Variants in ATP2B2 observed in about 807,000 individuals in gnomAD.
ATP2B2 encodes plasma membrane calcium-transporting ATPase 2.
ATP2B2 carries 15 observed loss-of-function variants against 120.0 expected under a neutral mutation model. The ratio of observed to expected loss-of-function variants is 0.12; its 90% CI spans 0.08 to 0.19. The LOEUF (loss-of-function observed/expected upper bound fraction) is 0.19. Ranked by LOEUF, ATP2B2 falls within the 10% of genes least tolerant of loss-of-function variation. ATP2B2 has a pLI of 1.00. For missense variants in ATP2B2, 1,045 were observed against 1,719.8 expected (o/e 0.61, Z 6.94); for synonymous variants, 694 against 700.3 (o/e 0.99, Z 0.14).
intron 2 of ATP2B2, among the ~76,000 whole-genome samples, chr3:10,562,154 C>CGAAT: frequency 6.6e-6 from 1 of 152,280 alleles, no homozygotes; most frequent in African/African-American, 2.4e-5. Flanking sequence ...TGCAGTGATT[C>CGAAT]TCTTGAGTGC....
chr3:10,394,362 A>T (rs1171947520), intron 5 of ATP2B2: 1 of 459,656 alleles, frequency 2.2e-6, no homozygotes, highest in East Asian at 7.1e-5. Context: ...CCCCCTCACA[A>T]CAGCCCCCTG....
chr3:10,467,616 G>A (rs1360061101), intron 1 of ATP2B2, among the ~76,000 whole-genome samples: 1 of 152,174 alleles, frequency 6.6e-6, no homozygotes, highest in Non-Finnish European at 1.5e-5. Flanking sequence ...CCTGGGTCAG[G>A]ACTCATCCCC....
intron 2 of ATP2B2, among the ~76,000 whole-genome samples, chr3:10,577,468 T>A (rs1332940589): frequency 2.0e-5 from 3 of 152,156 alleles, no homozygotes; most frequent in Non-Finnish European, 4.4e-5. Context: ...TCAGCTTTAA[T>A]CCCCAAGGCC....
chr3:10,581,529 T>C (rs1029512532), intron 2 of ATP2B2, among the ~76,000 whole-genome samples: 8 of 152,292 alleles, frequency 5.3e-5, no homozygotes, highest in African/African-American at 1.9e-4. Context: ...AAATGATGTT[T>C]GTGGGCGATT....
In ATP2B2 at chr3:10,388,218, C is replaced by CA. The variant is rs146403314; in HGVS notation, c.907+58dup. 9.7e-3 allele frequency: 13,406 copies of CA among 1,385,114 alleles called. 354 individuals carry two copies. The African/African-American group carries it at 0.12, about 12-fold the overall frequency. The allele number at this position is 1,385,114 out of a possible 1,614,324, so 85.8% of individuals were successfully genotyped here. On this transcript the variant is annotated intron_variant, in intron 6 of 22. Coordinates refer to ENST00000360273, the MANE Select transcript of ATP2B2 (RefSeq NM_001001331.4). The stretch of plus-strand genomic sequence containing the variant: ...CTATTTTGTTGAGTGAACAAATAAA[C>CA]AAAAAAAAAATGTGGCCTTAAGAGC...
intron 1 of ATP2B2, among the ~76,000 whole-genome samples, chr3:10,650,962 G>C (rs1312017052): frequency 1.3e-5 from 2 of 152,230 alleles, no homozygotes; most frequent in African/African-American, 4.8e-5. Context: ...TGACTGCCCT[G>C]CTGGATTTTG....
At chr3:10,686,945 A>C (rs1484313886) in intron 1 of ATP2B2, among the ~76,000 whole-genome samples, 1 of 152,230 alleles carries the variant, frequency 6.6e-6, no homozygotes, top group Non-Finnish European at 1.5e-5. Flanking sequence ...AAGAGACTGA[A>C]GCCCAAAGAG....
chr3:10,498,403 G>A (rs1296982316), intron 1 of ATP2B2, among the ~76,000 whole-genome samples: 1 of 152,256 alleles, frequency 6.6e-6, no homozygotes, highest in Non-Finnish European at 1.5e-5. Flanking sequence ...GTGAGCTGGA[G>A]GCCAGCACCC....
intron 2 of ATP2B2, among the ~76,000 whole-genome samples, chr3:10,545,488 C>T (rs1486835860): frequency 6.6e-6 from 1 of 150,428 alleles, no homozygotes; most frequent in African/African-American, 2.5e-5. Flanking sequence ...AAGATCGTGC[C>T]TTTGCACTCC....
chr3:10,602,943 CCTT>C (rs1229132886), intron 2 of ATP2B2, among the ~76,000 whole-genome samples: 1 of 152,218 alleles, frequency 6.6e-6, no homozygotes, highest in Non-Finnish European at 1.5e-5. Flanking sequence ...AACTGAGCCT[CCTT>C]CTTTTCTTAA....
intron 5 of ATP2B2, among the ~76,000 whole-genome samples, chr3:10,393,415 G>A (rs1393697160): frequency 2.0e-5 from 3 of 152,188 alleles, no homozygotes; most frequent in African/African-American, 7.2e-5. Flanking sequence ...GATGTGCCAA[G>A]TTCCATCTGA....
At chr3:10,365,316 A>C (rs926750009) in intron 12 of ATP2B2, among the ~76,000 whole-genome samples, 3 of 152,190 alleles carry the variant, frequency 2.0e-5, no homozygotes, top group African/African-American at 7.2e-5. Flanking sequence ...ATCAATGAAT[A>C]ATTTTGTGTT....
chr3:10,685,497 TGA>T (rs146989049), intron 1 of ATP2B2, among the ~76,000 whole-genome samples: 44 of 149,582 alleles, frequency 2.9e-4, no homozygotes, highest in South Asian at 8.4e-4. Flanking sequence ...CTCACTTGCC[TGA>T]GAGAGAGAGA....
chr3:10,596,977 A>G (rs1030674947), intron 2 of ATP2B2, among the ~76,000 whole-genome samples: 2 of 151,980 alleles, frequency 1.3e-5, no homozygotes, highest in Non-Finnish European at 2.9e-5. Flanking sequence ...ACACACAGGC[A>G]CACGCACACG....
At chr3:10,338,729 G>T (rs910224715) in intron 21 of ATP2B2, 1 of 321,108 alleles carries the variant, frequency 3.1e-6, no homozygotes, top group African/African-American at 2.2e-5. Flanking sequence ...ACCTCACCGA[G>T]CTTTGGTTTT....
chr3:10,601,831 G>T (rs768263102), intron 2 of ATP2B2, among the ~76,000 whole-genome samples: 1 of 152,230 alleles, frequency 6.6e-6, no homozygotes, highest in Non-Finnish European at 1.5e-5. Context: ...GGGCTGAGGG[G>T]AGCCCCACTA....
chr3:10,418,554 T>C (rs545205364), intron 2 of ATP2B2, among the ~76,000 whole-genome samples: 1 of 152,288 alleles, frequency 6.6e-6, no homozygotes, highest in East Asian at 1.9e-4. Flanking sequence ...TTCCAGGCCA[T>C]CCAGGTGACC....
rs564604007 is a variant in ATP2B2, at chr3:10,574,060, C to T, written c.-414-39927G>A. Among the ~76,000 whole-genome samples the T allele has an allele frequency of 9.9e-5, 15 of 152,284 alleles. No homozygotes were observed. In the East Asian group the frequency reaches 2.5e-3, roughly 25 times the overall value. On this transcript the variant is annotated intron_variant, in intron 2 of 21. Coordinates refer to the ATP2B2 transcript ENST00000646379. ...GTTTCCAGAGATTCTTCTTGTTCTC[C>T]CAGGGGTCCTTTTATTGCTTCTCCC...
intron 3 of ATP2B2, among the ~76,000 whole-genome samples, chr3:10,512,229 CA>C (rs982473402): frequency 6.6e-6 from 1 of 152,028 alleles, no homozygotes; most frequent in Non-Finnish European, 1.5e-5. Context: ...GGGGACCCAG[CA>C]GGGAAAGAGG....
Sources: allele counts gnomAD v4.1 joint callset (sites outside exome capture counted in the v4.1 genomes callset), GRCh38; gene constraint gnomAD v4.1.1; transcripts MANE v1.5; gene names NCBI Gene and HGNC (gene_info 2026-07-23, HGNC 2026-07-21).